CEP44: variants seen among roughly 807,000 people sequenced by gnomAD.
CEP44 encodes centrosomal protein of 44 kDa.
In CEP44, 45 loss-of-function variants were observed where a neutral mutation model predicts 46.7. That is an observed-to-expected ratio of 0.96 (90% CI 0.76 to 1.24). The LOEUF (loss-of-function observed/expected upper bound fraction) is 1.24. CEP44 is among the 50% of genes most tolerant of loss of function. The pLI is 0.00. For missense variants in CEP44, 475 were observed against 459.7 expected (o/e 1.03, Z -0.30); for synonymous variants, 142 against 146.0 (o/e 0.97, Z 0.20).
At chr4:174,330,592 G>A (rs1731269005) in intron 8 of CEP44, among the ~76,000 whole-genome samples, 2 of 151,784 alleles carry the variant, frequency 1.3e-5, no homozygotes, top group African/African-American at 4.8e-5. Flanking sequence ...TGCAAAATAT[G>A]GATTTTAATA....
rs557516989 is a variant in CEP44, at chr4:174,326,466, T to C, written c.1087-5016T>C. ...AAGCCTTTTTTTGTCAAACATTGAC[T>C]TCTACATATGTTATAAACTGCAAAA... On this transcript the variant is annotated intron_variant, in intron 8 of 8. Coordinates refer to the CEP44 transcript ENST00000426172. The surrounding 1 kb of genome is among the most constrained non-coding windows in gnomAD (Gnocchi z 4.8). Among the ~76,000 whole-genome samples the C allele has an allele frequency of 2.6e-5, 4 of 152,060 alleles. No homozygotes were observed. Among genetic ancestry groups the C allele is most frequent in the Non-Finnish European group, 5.9e-5 (4 of 67,962 alleles).
At position 174,299,229 on chromosome 4, in the gene CEP44, CTTAA is replaced by C. The variant is rs1041545905; in HGVS notation, c.89+22_89+25del. The C allele has an allele frequency of 1.3e-6, 2 of 1,571,596 alleles. No individual in the cohort carries two copies. Among genetic ancestry groups the C allele is most frequent in the Non-Finnish European group, 1.7e-6 (2 of 1,151,782 alleles). Reference sequence around the variant, plus strand: ...GTGTAGGGTAAGCTATAATATCAAACTTAATTGTATTCTTCTTGCTAGTGATTTG... The same window carrying C: ...GTGTAGGGTAAGCTATAATATCAAACTTGTATTCTTCTTGCTAGTGATTTG... On this transcript the variant is annotated intron_variant, in intron 3 of 11. Coordinates refer to ENST00000503780, the MANE Select transcript of CEP44 (RefSeq NM_001040157.3).
At chr4:174,306,854 C>T (rs1365695898) in intron 6 of CEP44, among the ~76,000 whole-genome samples, 2 of 152,096 alleles carry the variant, frequency 1.3e-5, no homozygotes, top group South Asian at 2.1e-4. Flanking sequence ...AACAAACTCC[C>T]ATTCAAAATT....
At position 174,316,288 on chromosome 4, in the gene CEP44, GA is replaced by G; in HGVS notation, c.1085del (p.Glu362GlyfsTer11). ...TTACTGTGGTTTGAATGAGATTTCA[GA>G]GGTAAGAAAATGCTTAGATTATTTC... ...VNYCGLNEIS[E>X]ETTIQKMERM... On this transcript the variant is annotated frameshift_variant and splice_region_variant, in exon 10 of 12. Coordinates refer to ENST00000503780, the MANE Select transcript of CEP44 (RefSeq NM_001040157.3). LOFTEE classifies it high-confidence loss of function. 3 of 1,609,388 alleles carry G rather than the reference GA, an allele frequency of 1.9e-6. No homozygotes were observed. The highest frequency in any genetic ancestry group is 2.6e-6 in the Non-Finnish European group (3 of 1,176,298).
At chr4:174,330,164 A>G (rs114077813) in intron 8 of CEP44, among the ~76,000 whole-genome samples, 3,367 of 152,042 alleles carry the variant, frequency 0.022, 66 homozygotes, top group African/African-American at 0.052. Flanking sequence ...TATTTTTTCT[A>G]TTTATATTTA....
rs1157946779 is a variant in CEP44 at position 174,310,083 on chromosome 4, A to G, written c.885+27A>G. The stretch of plus-strand genomic sequence containing the variant: ...TATTTTCCTCCTTTAACATTTATAA[A>G]ATATCTCAGATATAACAAAGTTTTT... On this transcript the variant is annotated intron_variant, in intron 8 of 11. Coordinates refer to ENST00000503780, the MANE Select transcript of CEP44 (RefSeq NM_001040157.3). This position sits in a 1 kb window ranked among gnomAD's most constrained non-coding sequence, Gnocchi z 4.2. The G allele has an allele frequency of 1.3e-6, 2 of 1,587,654 alleles. No homozygotes were observed. The highest frequency in any genetic ancestry group is 1.7e-6 in the Non-Finnish European group (2 of 1,168,334).
At chr4:174,284,955 A>G (rs1489395681) in intron 1 of CEP44, among the ~76,000 whole-genome samples, 5 of 152,164 alleles carry the variant, frequency 3.3e-5, no homozygotes, top group East Asian at 1.9e-4. Context: ...GTGACATTCT[A>G]TTGGGAGGCA....
At position 174,302,036 on chromosome 4, in the gene CEP44, C is replaced by G; in HGVS notation, c.90-3C>G. 1.3e-6 allele frequency: 2 copies of G among 1,581,060 alleles called. No individual in the cohort carries two copies. The highest frequency in any genetic ancestry group is 1.7e-6 in the Non-Finnish European group (2 of 1,171,472). On this transcript the variant is annotated splice_polypyrimidine_tract_variant and splice_region_variant and intron_variant, in intron 3 of 11. Coordinates refer to ENST00000503780, the MANE Select transcript of CEP44 (RefSeq NM_001040157.3). ...AAAAATATTTTTCTTTTTTTCCTAA[C>G]AGTTTGATAAAGGGAGACCCAGCAG...
At chr4:174,289,590 G>T (rs1337968738) in intron 1 of CEP44, among the ~76,000 whole-genome samples, 3 of 151,638 alleles carry the variant, frequency 2.0e-5, no homozygotes, top group African/African-American at 7.3e-5. Context: ...GATCAATTGT[G>T]TCCTCTTTCA....
downstream of CEP44, among the ~76,000 whole-genome samples, chr4:174,322,872 C>T (rs1212309758): frequency 6.6e-6 from 1 of 152,060 alleles, no homozygotes; most frequent in African/African-American, 2.4e-5. Flanking sequence ...TAGTATGTAG[C>T]ATTAATGCCC....
chr4:174,289,973 G>A (rs1738001701), intron 1 of CEP44, among the ~76,000 whole-genome samples: 1 of 151,854 alleles, frequency 6.6e-6, no homozygotes, highest in African/African-American at 2.4e-5. Flanking sequence ...CGAGTAGGTG[G>A]GAGTCCCAAG....
chr4:174,318,211 G>A lies in CEP44; in HGVS notation c.*828G>A, dbSNP rs1211982185. ...CCTGAGTAGCTGGGATTATAGGCAT[G>A]CACCACCATGCCCAGCTAATTTTGT... On this transcript the variant is annotated 3_prime_UTR_variant, in exon 12 of 12. Coordinates refer to ENST00000503780, the MANE Select transcript of CEP44 (RefSeq NM_001040157.3). 2 of 636,486 alleles carry A rather than the reference G, an allele frequency of 3.1e-6. No individual in the cohort carries two copies. Among genetic ancestry groups the A allele is most frequent in the East Asian group, 2.8e-4 (2 of 7,192 alleles). The allele number at this position is 636,486 out of a possible 1,614,324, so 39.4% of individuals were successfully genotyped here. A position where few individuals can be genotyped will look rare whatever the true frequency, so the allele number is the denominator to read the frequency against.
intron 8 of CEP44, among the ~76,000 whole-genome samples, chr4:174,328,183 T>C (rs955355235): frequency 1.3e-5 from 2 of 152,074 alleles, no homozygotes; most frequent in African/African-American, 4.8e-5. Flanking sequence ...CTGTAGACAA[T>C]CCAGAACCCA....
rs532691869 is a variant in CEP44, at chr4:174,301,654, G to A, written c.90-385G>A. Reference sequence around the variant, plus strand: ...TACCTTTGGAAGTTTGTGGTAGAGAGCAAAGGAGGTAATAGAACAAGTGTT... The same window carrying A: ...TACCTTTGGAAGTTTGTGGTAGAGAACAAAGGAGGTAATAGAACAAGTGTT... On this transcript the variant is annotated intron_variant, in intron 3 of 11. Transcript: ENST00000503780. This position sits in a 1 kb window ranked among gnomAD's most constrained non-coding sequence, Gnocchi z 4.3. 6.6e-5 allele frequency among the ~76,000 whole-genome samples: 10 copies of A among 152,132 alleles called. No individual in the cohort carries two copies. The highest frequency in any genetic ancestry group is 1.3e-4 in the Non-Finnish European group (9 of 68,012).
At chr4:174,300,277 A>G (rs191691424) in intron 3 of CEP44, among the ~76,000 whole-genome samples, 2 of 152,254 alleles carry the variant, frequency 1.3e-5, no homozygotes, top group Admixed American at 1.3e-4. Context: ...GAGTAAGGAG[A>G]AAGTTTAGCT....
rs1208425482 is a variant in CEP44 at position 174,291,782 on chromosome 4, C to CTTTTTT, written c.-147-6180_-147-6179insTTTTTT. The stretch of plus-strand genomic sequence containing the variant: ...GTTTTCTTTATTCTTTTATCTTTTT[C>CTTTTTT]TTTTCTTTTTTTTTTTTTTTTTTTT... On this transcript the variant is annotated intron_variant, in intron 1 of 11. Transcript: ENST00000503780. Among the ~76,000 whole-genome samples, 29 of 81,622 alleles carry CTTTTTT rather than the reference C, an allele frequency of 3.6e-4. 1 individual carries two copies. Among genetic ancestry groups the CTTTTTT allele is most frequent in the African/African-American group, 1.0e-3 (22 of 22,100 alleles). 53.5% of individuals were successfully genotyped at this position (81,622 alleles called of 152,430 possible).
chr4:174,321,440 T>A (rs1207198710), downstream of CEP44, among the ~76,000 whole-genome samples: 2 of 152,148 alleles, frequency 1.3e-5, no homozygotes, highest in Non-Finnish European at 2.9e-5. Flanking sequence ...AATTAAAACA[T>A]CCTTTCTTCA....
intron 4 of CEP44, among the ~76,000 whole-genome samples, chr4:174,302,624 T>C (rs1257751488): frequency 1.3e-5 from 2 of 152,168 alleles, no homozygotes; most frequent in Non-Finnish European, 1.5e-5. Flanking sequence ...TTATATTGTA[T>C]CTACCCTAGT....
In CEP44 at chr4:174,290,877, G is replaced by T. The variant is rs542024932; in HGVS notation, c.-148+6934G>T. Reference sequence around the variant, plus strand: ...AGTTGTTGTATCTTTCTATTGAATTGACCCTTTTACTATTATATAATGCCT... The same window carrying T: ...AGTTGTTGTATCTTTCTATTGAATTTACCCTTTTACTATTATATAATGCCT... On this transcript the variant is annotated intron_variant, in intron 1 of 11. Coordinates refer to ENST00000503780, the MANE Select transcript of CEP44 (RefSeq NM_001040157.3). This position sits in a 1 kb window ranked among gnomAD's most constrained non-coding sequence, Gnocchi z 4.3. Among the ~76,000 whole-genome samples, 3 of 152,246 alleles carry T rather than the reference G, an allele frequency of 2.0e-5. No homozygotes were observed. The highest frequency in any genetic ancestry group is 7.2e-5 in the African/African-American group (3 of 41,566).
Sources: gnomAD v4.1 joint callset for allele counts (sites outside exome capture counted in the v4.1 genomes callset) on GRCh38, gnomAD v4.1.1 for gene constraint, Gnocchi (gnomAD v3.1) non-coding constraint, MANE v1.5 for transcripts, NCBI Gene and HGNC (gene_info 2026-07-23, HGNC 2026-07-21) for gene names.